KIAA1217: variants seen among roughly 807,000 people sequenced by gnomAD.
KIAA1217 encodes sickle tail protein homolog.
A neutral mutation model predicts 163.9 loss-of-function variants in KIAA1217; 88 were observed. The ratio of observed to expected loss-of-function variants is 0.54; its 90% CI spans 0.45 to 0.64. The LOEUF (loss-of-function observed/expected upper bound fraction) is 0.64. Ranked by LOEUF, KIAA1217 falls within the 30% of genes least tolerant of loss-of-function variation. The pLI, the probability that KIAA1217 is intolerant of heterozygous loss-of-function variation, is 0.00. For synonymous variants in KIAA1217, 903 were observed against 923.1 expected (o/e 0.98, Z 0.39); for missense variants, 2,372 against 2,475.0 (o/e 0.96, Z 0.88).
intron 1 of KIAA1217, among the ~76,000 whole-genome samples, chr10:23,839,450 T>A (rs1161422864): frequency 6.6e-6 from 1 of 152,180 alleles, no homozygotes; most frequent in Non-Finnish European, 1.5e-5. Flanking sequence ...TTTGCTGATA[T>A]ACAGGGCAAG....
intron 1 of KIAA1217, among the ~76,000 whole-genome samples, chr10:23,815,372 C>T (rs1042322812): frequency 8.5e-5 from 13 of 152,154 alleles, no homozygotes; most frequent in South Asian, 4.1e-4. Flanking sequence ...AGGCTGGGCG[C>T]GGTGGCTCAC....
chr10:23,830,151 C>CT (rs1381851437), intron 1 of KIAA1217, among the ~76,000 whole-genome samples: 3 of 152,102 alleles, frequency 2.0e-5, no homozygotes, highest in African/African-American at 7.2e-5. Flanking sequence ...AAAATATCCC[C>CT]TTTTTTGGGT....
chr10:24,411,984 T>A (rs1277308275), intron 3 of KIAA1217, among the ~76,000 whole-genome samples: 1 of 152,152 alleles, frequency 6.6e-6, no homozygotes, highest in Non-Finnish European at 1.5e-5. Flanking sequence ...AAAACATGCC[T>A]TATAAAACTA....
intron 2 of KIAA1217, among the ~76,000 whole-genome samples, chr10:24,175,638 G>C (rs2065846425): frequency 6.6e-6 from 1 of 152,110 alleles, no homozygotes; most frequent in African/African-American, 2.4e-5. Context: ...GACCCTCGCG[G>C]TGAGTGTTAC....
chr10:24,139,264 T>C lies in KIAA1217; in HGVS notation c.-170-80362T>C, dbSNP rs115347556. Reference sequence around the variant, plus strand: ...ATATATATTTGGAATTTGGTTTAGGTATATGCTATAACATATAATTATACA... The same window carrying C: ...ATATATATTTGGAATTTGGTTTAGGCATATGCTATAACATATAATTATACA... On this transcript the variant is annotated intron_variant, in intron 2 of 18. Coordinates refer to the KIAA1217 transcript ENST00000376462. Among the ~76,000 whole-genome samples, 1,399 of 152,240 alleles carry C rather than the reference T, an allele frequency of 9.2e-3. 22 individuals are homozygous for C. Among genetic ancestry groups the C allele is most frequent in the African/African-American group, 0.031 (1,290 of 41,570 alleles).
chr10:24,297,991 T>C (rs2040821423), intron 2 of KIAA1217, among the ~76,000 whole-genome samples: 1 of 151,974 alleles, frequency 6.6e-6, no homozygotes, highest in Non-Finnish European at 1.5e-5. Flanking sequence ...GCCGTGACTT[T>C]AGAACATCTG....
intron 2 of KIAA1217, among the ~76,000 whole-genome samples, chr10:24,161,112 ACAGCTATACT>A (rs1429925447): frequency 6.6e-6 from 1 of 152,182 alleles, no homozygotes; most frequent in Admixed American, 6.5e-5. Flanking sequence ...CCCTAAAGAA[ACAGCTATACT>A]CAGGAGAAGT....
In KIAA1217 at chr10:24,264,918, C is replaced by T. The variant is rs143259978; in HGVS notation, c.354+45009C>T. ...CCTGGCTAGAGTACAATGGCACAATCCTAGCTCACTGCAGCCTCAACTTCT... is the reference window on the plus strand; with the variant it reads ...CCTGGCTAGAGTACAATGGCACAATTCTAGCTCACTGCAGCCTCAACTTCT... On this transcript the variant is annotated intron_variant, in intron 2 of 20. Coordinates refer to ENST00000376454, the MANE Select transcript of KIAA1217 (RefSeq NM_019590.5). 1.4e-4 allele frequency among the ~76,000 whole-genome samples: 21 copies of T among 151,980 alleles called. No homozygotes were observed. The East Asian group carries it at 3.7e-3, about 27-fold the overall frequency.
intron 1 of KIAA1217, among the ~76,000 whole-genome samples, chr10:23,937,681 C>T (rs1235394523): frequency 1.3e-5 from 2 of 152,140 alleles, no homozygotes; most frequent in African/African-American, 4.8e-5. Flanking sequence ...CTTAATTTGG[C>T]ATCATCATAA....
At chr10:24,071,123 C>A (rs1303077844) in intron 2 of KIAA1217, among the ~76,000 whole-genome samples, 1 of 152,104 alleles carries the variant, frequency 6.6e-6, no homozygotes, top group Non-Finnish European at 1.5e-5. Flanking sequence ...TGATAATTCC[C>A]AATTACTGAA....
chr10:23,776,461 C>G (rs1461007839), intron 1 of KIAA1217, among the ~76,000 whole-genome samples: 1 of 151,088 alleles, frequency 6.6e-6, no homozygotes, highest in East Asian at 1.9e-4. Flanking sequence ...TAATATTCTC[C>G]TATGTCAAGC....
intron 3 of KIAA1217, among the ~76,000 whole-genome samples, chr10:24,405,197 C>T (rs982733132): frequency 6.6e-6 from 1 of 152,060 alleles, no homozygotes; most frequent in Non-Finnish European, 1.5e-5. Context: ...ATGCCAGTGA[C>T]CCAGTTTTGT....
intron 5 of KIAA1217, among the ~76,000 whole-genome samples, chr10:24,453,655 T>G (rs1564707002): frequency 6.6e-6 from 1 of 152,246 alleles, no homozygotes; most frequent in Non-Finnish European, 1.5e-5. Context: ...GTTATGCTGT[T>G]TGAAATGTTA....
intron 2 of KIAA1217, among the ~76,000 whole-genome samples, chr10:24,113,433 C>A (rs1316160410): frequency 6.6e-6 from 1 of 152,154 alleles, no homozygotes; most frequent in Non-Finnish European, 1.5e-5. Flanking sequence ...AATCTGATGA[C>A]AAAGCAGTAG....
At chr10:23,758,345 C>T (rs995872046) in intron 1 of KIAA1217, among the ~76,000 whole-genome samples, 1 of 150,804 alleles carries the variant, frequency 6.6e-6, no homozygotes, top group Non-Finnish European at 1.5e-5. Context: ...TCTTGGCACT[C>T]TTATTGGAAA....
At chr10:23,714,891 T>C (rs1837476297) in intron 1 of KIAA1217, among the ~76,000 whole-genome samples, 1 of 152,132 alleles carries the variant, frequency 6.6e-6, no homozygotes, top group Non-Finnish European at 1.5e-5. Flanking sequence ...CCAGAGCTTA[T>C]ATACCATAGA....
chr10:24,429,360 A>G (rs2059410949), intron 3 of KIAA1217, among the ~76,000 whole-genome samples: 1 of 152,198 alleles, frequency 6.6e-6, no homozygotes, highest in Admixed American at 6.5e-5. Context: ...TTCAGTTTAC[A>G]AGGAAAAAAG....
chr10:24,223,781 A>G (rs1328454951), intron 2 of KIAA1217, among the ~76,000 whole-genome samples: 2 of 144,936 alleles, frequency 1.4e-5, no homozygotes, highest in Admixed American at 7.1e-5. Context: ...TGGCATGATC[A>G]TGGCTCACTG....
At chr10:23,707,547 A>T (rs1343299972) in intron 1 of KIAA1217, among the ~76,000 whole-genome samples, 4 of 152,168 alleles carry the variant, frequency 2.6e-5, no homozygotes, top group African/African-American at 9.7e-5. Context: ...GGCCACATAC[A>T]GGGTGGAATA....
Sources: gnomAD v4.1 joint callset for allele counts (sites outside exome capture counted in the v4.1 genomes callset) on GRCh38, gnomAD v4.1.1 for gene constraint, MANE v1.5 for transcripts, NCBI Gene and HGNC (gene_info 2026-07-23, HGNC 2026-07-21) for gene names.